WWOX: variants seen among roughly 807,000 people sequenced by gnomAD.
The protein encoded by WWOX is WW domain-containing oxidoreductase.
In WWOX, 69 loss-of-function variants were observed where a neutral mutation model predicts 46.2. The observed-to-expected ratio is 1.49, with a 90% CI of 1.23 to 1.82. The LOEUF (loss-of-function observed/expected upper bound fraction) is 1.82. Among genes scored for constraint, WWOX ranks in the 40% most tolerant of loss-of-function variants. WWOX has a pLI of 0.00. For missense variants in WWOX, 919 were observed against 542.6 expected (o/e 1.69, Z -6.89); for synonymous variants, 359 against 202.6 (o/e 1.77, Z -6.56).
chr16:78,138,034 C>T (rs1196785084), intron 4 of WWOX, among the ~76,000 whole-genome samples: 1 of 150,654 alleles, frequency 6.6e-6, no homozygotes, highest in Admixed American at 6.6e-5. Context: ...TTCTTCTGAT[C>T]AGCTTCTATA....
intron 1 of WWOX, among the ~76,000 whole-genome samples, chr16:78,105,259 C>G (rs983258649): frequency 2.6e-5 from 4 of 152,112 alleles, no homozygotes; most frequent in Admixed American, 1.3e-4. Flanking sequence ...GTCAGGAGTT[C>G]GAGACCTGCC....
chr16:78,851,516 C>T (rs992388834), intron 8 of WWOX, among the ~76,000 whole-genome samples: 6 of 152,184 alleles, frequency 3.9e-5, no homozygotes, highest in African/African-American at 1.4e-4. Context: ...GAGCCTGATA[C>T]TTTCACAGTG....
At chr16:79,175,779 G>T (rs1437064589) in intron 8 of WWOX, among the ~76,000 whole-genome samples, 1 of 152,162 alleles carries the variant, frequency 6.6e-6, no homozygotes, top group Admixed American at 6.5e-5. Context: ...TCCCATGGGA[G>T]CTCCAACTCT....
At position 78,731,485 on chromosome 16, in the gene WWOX, C is replaced by G. The variant is rs889188190; in HGVS notation, c.1056+298733C>G. Among the ~76,000 whole-genome samples the G allele has an allele frequency of 5.3e-5, 8 of 152,254 alleles. No individual in the cohort carries two copies. In the South Asian group the frequency reaches 1.7e-3, roughly 32 times the overall value. On this transcript the variant is annotated intron_variant, in intron 8 of 8. Transcript: ENST00000566780. ...TGTTACAAAGAGAAGGAATATAAGC[C>G]TCTGTTCTTTCTTGTTTCCCTTTGT...
intron 8 of WWOX, among the ~76,000 whole-genome samples, chr16:79,120,689 G>A (rs941730529): frequency 3.3e-5 from 5 of 152,164 alleles, no homozygotes; most frequent in African/African-American, 1.2e-4. Context: ...TTAACTGGTG[G>A]TCACATTACT....
At chr16:78,153,674 T>G (rs1386843152) in intron 4 of WWOX, among the ~76,000 whole-genome samples, 2 of 152,138 alleles carry the variant, frequency 1.3e-5, no homozygotes, top group African/African-American at 4.8e-5. Context: ...CAAGTAACAT[T>G]TGTCCCCAGT....
At chr16:79,013,907 C>G (rs190371422) in intron 8 of WWOX, among the ~76,000 whole-genome samples, 118 of 152,194 alleles carry the variant, frequency 7.8e-4, no homozygotes, top group Admixed American at 2.4e-3. Context: ...GTTTCCGGGT[C>G]CAGCGACAAG....
rs535029323 is a variant in WWOX, at chr16:78,780,701, G to C, written c.1056+347949G>C. 1.3e-5 allele frequency among the ~76,000 whole-genome samples: 2 copies of C among 152,272 alleles called. 1 individual carries two copies. Among genetic ancestry groups the C allele is most frequent in the East Asian group, 3.9e-4 (2 of 5,172 alleles). On this transcript the variant is annotated intron_variant, in intron 8 of 8. Coordinates refer to ENST00000566780, the MANE Select transcript of WWOX (RefSeq NM_016373.4). Reference sequence around the variant, plus strand: ...TGGGGGAGAACAGTCTAGGCAAGGTGAACGGAAGTGCAGGGTCCCTGAGGC... The same window carrying C: ...TGGGGGAGAACAGTCTAGGCAAGGTCAACGGAAGTGCAGGGTCCCTGAGGC...
intron 8 of WWOX, among the ~76,000 whole-genome samples, chr16:79,140,375 C>T (rs1409825924): frequency 6.6e-6 from 1 of 152,182 alleles, no homozygotes; most frequent in Non-Finnish European, 1.5e-5. Flanking sequence ...CGAACTTCCA[C>T]CGCAGCATCC....
At chr16:79,211,558 A>ATCAC in intron 8 of WWOX, 50 bp from the exon 9 acceptor site, 2 of 1,606,546 alleles carry the variant, frequency 1.2e-6, no homozygotes, top group Non-Finnish European at 1.7e-6. Context: ...ACGCCATCTC[A>ATCAC]TCACTCCTTT....
chr16:78,701,106 A>G (rs1372029977), intron 8 of WWOX, among the ~76,000 whole-genome samples: 1 of 152,144 alleles, frequency 6.6e-6, no homozygotes, highest in East Asian at 1.9e-4. Flanking sequence ...TGGGCTAGTG[A>G]TAGTTACCTC....
At chr16:78,938,842 A>G (rs1282702228) in intron 8 of WWOX, among the ~76,000 whole-genome samples, 3 of 152,156 alleles carry the variant, frequency 2.0e-5, no homozygotes, top group African/African-American at 4.8e-5. Flanking sequence ...GGAAAGTCAG[A>G]AAAGTCTTTA....
intron 4 of WWOX, among the ~76,000 whole-genome samples, chr16:78,163,386 G>A (rs951040485): frequency 1.3e-5 from 2 of 152,158 alleles, no homozygotes; most frequent in African/African-American, 2.4e-5. Context: ...TTAGGATCCC[G>A]ACCCAAGGTT....
intron 5 of WWOX, among the ~76,000 whole-genome samples, chr16:78,292,220 G>C (rs57195289): frequency 7.9e-5 from 12 of 152,162 alleles, no homozygotes; most frequent in African/African-American, 2.9e-4. Flanking sequence ...TCTCTCACCA[G>C]ACTGATGGTG....
intron 8 of WWOX, among the ~76,000 whole-genome samples, chr16:79,024,111 A>G (rs2047589883): frequency 6.6e-6 from 1 of 152,250 alleles, no homozygotes; most frequent in Admixed American, 6.5e-5. Context: ...AGAGGGGACT[A>G]GAGAATGACT....
intron 8 of WWOX, among the ~76,000 whole-genome samples, chr16:79,161,079 C>T (rs939094188): frequency 2.0e-5 from 3 of 152,316 alleles, no homozygotes; most frequent in South Asian, 4.1e-4. Flanking sequence ...TCCGCACAAA[C>T]ACCTCTAGGT....
chr16:79,109,088 G>C (rs2049366005), intron 8 of WWOX, among the ~76,000 whole-genome samples: 1 of 151,988 alleles, frequency 6.6e-6, no homozygotes. Context: ...TGTGCCCTGG[G>C]TTCCTCTCCC....
intron 8 of WWOX, among the ~76,000 whole-genome samples, chr16:78,841,584 C>A (rs1321044144): frequency 6.6e-6 from 1 of 152,172 alleles, no homozygotes; most frequent in Non-Finnish European, 1.5e-5. Flanking sequence ...ATATGTAATG[C>A]TGCTTTCAAA....
intron 8 of WWOX, among the ~76,000 whole-genome samples, chr16:78,734,551 G>C (rs896111018): frequency 1.1e-4 from 17 of 152,140 alleles, no homozygotes; most frequent in East Asian, 7.7e-4. Flanking sequence ...CACTGAACTT[G>C]AGAGCAGAGC....
Sources: gnomAD v4.1 joint callset for allele counts (sites outside exome capture counted in the v4.1 genomes callset) on GRCh38, gnomAD v4.1.1 for gene constraint, MANE v1.5 for transcripts, NCBI Gene and HGNC (gene_info 2026-07-23, HGNC 2026-07-21) for gene names.